BLTP1: variants seen among roughly 807,000 people sequenced by gnomAD.
BLTP1 encodes fragile site-associated protein.
chr4:122,244,007 G>A, the BLTP1 span: 11 of 1,594,710 alleles, frequency 6.9e-6, no homozygotes, highest in South Asian at 1.0e-4. Flanking sequence ...TGACTCCCCT[G>A]GTGGCTGAAG....
At chr4:122,240,650 G>A in the BLTP1 span, among the ~76,000 whole-genome samples, 3 of 152,074 alleles carry the variant, frequency 2.0e-5, no homozygotes, top group East Asian at 1.9e-4. Flanking sequence ...CATATCTTCC[G>A]TGTCTTAAAA....
the BLTP1 span, chr4:122,239,364 C>A: frequency 1.4e-6 from 1 of 719,786 alleles, no homozygotes; most frequent in Non-Finnish European, 2.1e-6. Context: ...TACTGTTTTG[C>A]TACTTTGGGT....
At chr4:122,295,513 T>C in the BLTP1 span, among the ~76,000 whole-genome samples, 1 of 152,050 alleles carries the variant, frequency 6.6e-6, no homozygotes, top group Non-Finnish European at 1.5e-5. Flanking sequence ...TGGCCAGATG[T>C]ACAAAGAAGA....
chr4:122,258,931 C>T, the BLTP1 span: 4 of 686,574 alleles, frequency 5.8e-6, no homozygotes, highest in African/African-American at 7.4e-5. Flanking sequence ...TAGGTGTCCA[C>T]CCTAAATATT....
the BLTP1 span, chr4:122,240,299 A>G: frequency 6.2e-7 from 1 of 1,614,098 alleles, no homozygotes. Flanking sequence ...TGGATACACC[A>G]ACCAGTGAAG....
At chr4:122,289,218 A>G in the BLTP1 span, 2 of 1,497,644 alleles carry the variant, frequency 1.3e-6, no homozygotes, top group Non-Finnish European at 1.8e-6. Context: ...ACCTTATAGT[A>G]TAGGTGTAGG....
chr4:122,306,044 A>G, the BLTP1 span: 2 of 1,601,178 alleles, frequency 1.2e-6, no homozygotes, highest in Non-Finnish European at 1.7e-6. Flanking sequence ...CCTTTGATAG[A>G]GGTAAGATAA....
At chr4:122,360,040 G>T in the BLTP1 span, 7 of 985,174 alleles carry the variant, frequency 7.1e-6, no homozygotes, top group Non-Finnish European at 8.4e-6. Context: ...TATTTTCAGG[G>T]TTTGAGGTAG....
chr4:122,319,273 G>T, the BLTP1 span, among the ~76,000 whole-genome samples: 2 of 151,296 alleles, frequency 1.3e-5, no homozygotes, highest in Admixed American at 1.3e-4. Context: ...GATTTAATTT[G>T]CCCTTTTTTT....
At chr4:122,254,020 A>C in the BLTP1 span, 1 of 169,712 alleles carries the variant, frequency 5.9e-6, no homozygotes, top group African/African-American at 2.4e-5. Context: ...TGAAGGAAAA[A>C]CACTTTTAAA....
At chr4:122,236,967 TG>T in the BLTP1 span, 1 of 985,220 alleles carries the variant, frequency 1.0e-6, no homozygotes, top group Non-Finnish European at 1.2e-6. Context: ...GGAGGGCATA[TG>T]GGTAGAATTA....
the BLTP1 span, chr4:122,200,587 A>AAAAAC: frequency 1.1e-6 from 1 of 938,758 alleles, no homozygotes; most frequent in Non-Finnish European, 1.3e-6. Context: ...TCAAAACAAA[A>AAAAAC]AAAAAAAAAA....
chr4:122,246,406 T>TA, the BLTP1 span: 4 of 1,126,034 alleles, frequency 3.6e-6, no homozygotes, highest in African/African-American at 1.6e-5. Context: ...TGTGTAATAT[T>TA]AAAAAAATAT....
the BLTP1 span, chr4:122,277,797 G>C: frequency 1.2e-6 from 1 of 828,790 alleles, no homozygotes. Flanking sequence ...TAGATTTTAA[G>C]AAGTATAGTG....
the BLTP1 span, chr4:122,348,776 T>C: frequency 1.7e-6 from 2 of 1,159,226 alleles, no homozygotes; most frequent in African/African-American, 1.6e-5. Flanking sequence ...TTTCTTCTAC[T>C]GTAGTAAAGA....
the BLTP1 span, chr4:122,185,078 A>G: frequency 1.0e-6 from 1 of 985,188 alleles, no homozygotes; most frequent in Non-Finnish European, 1.2e-6. Flanking sequence ...AGTGAAATCT[A>G]AAGTAATTTT....
the BLTP1 span, chr4:122,224,071 C>T: frequency 2.0e-6 from 2 of 982,710 alleles, no homozygotes; most frequent in Non-Finnish European, 2.4e-6. Context: ...TACTTTTCCC[C>T]ACCATTCTTC....
chr4:122,223,320 A>G, the BLTP1 span, among the ~76,000 whole-genome samples: 1 of 152,188 alleles, frequency 6.6e-6, no homozygotes, highest in African/African-American at 2.4e-5. Context: ...GATAGCCTAG[A>G]CATACATGAA....
the BLTP1 span, among the ~76,000 whole-genome samples, chr4:122,211,544 T>C: frequency 6.6e-6 from 1 of 152,184 alleles, no homozygotes; most frequent in Non-Finnish European, 1.5e-5. Flanking sequence ...AATGAACAAA[T>C]ATTTGCTTGG....
Sources: allele counts gnomAD v4.1 joint callset (sites outside exome capture counted in the v4.1 genomes callset), GRCh38; gene constraint gnomAD v4.1.1; transcripts MANE v1.5; gene names NCBI Gene and HGNC (gene_info 2026-07-23, HGNC 2026-07-21).